Variants in WSB1 observed in about 807,000 individuals in gnomAD.
WSB1 encodes the protein WD repeat and SOCS box containing 1, also known as WD repeat and SOCS box-containing protein 1.
Under a neutral mutation model 50.2 loss-of-function variants are expected in WSB1, and 23 were observed. The observed-to-expected ratio is 0.46, with a 90% CI of 0.33 to 0.65. The LOEUF (loss-of-function observed/expected upper bound fraction) is 0.65, where lower values mean the gene tolerates loss of function less well. WSB1 is among the 30% of genes least tolerant of loss of function. The pLI, the probability that WSB1 is intolerant of heterozygous loss-of-function variation, is 0.02. For missense variants in WSB1, 492 were observed against 522.3 expected, an observed-to-expected ratio of 0.94 and a Z score of 0.56; for synonymous variants, 179 against 172.0, an observed-to-expected ratio of 1.04 and a Z score of -0.32.
chr17:27,301,139 G>A (rs1192155869), intron 1 of WSB1, among the ~76,000 whole-genome samples: 2 of 152,180 alleles, frequency 1.3e-5, no homozygotes, highest in Non-Finnish European at 2.9e-5. Flanking sequence ...CTCCCAGAAT[G>A]TTGGGATTAC....
At position 27,312,400 on chromosome 17, in the gene WSB1, G is replaced by C; in HGVS notation, c.*31G>C. On this transcript the variant is annotated 3_prime_UTR_variant, in exon 9 of 9. Transcript: ENST00000262394. ...TCTGCCTTCCCTAGTAGTAGGGACT[G>C]ACAGAATACACTTAACACAAACCTC... is the stretch of plus-strand genomic sequence containing the variant. 1 of 1,608,372 alleles carries C rather than the reference G, an allele frequency of 6.2e-7. No individual in the cohort carries two copies. Among genetic ancestry groups the C allele is most frequent in the Non-Finnish European group, 8.5e-7 (1 of 1,178,786 alleles).
chr17:27,299,778 T>C (rs1170459781), intron 1 of WSB1, among the ~76,000 whole-genome samples: 2 of 152,184 alleles, frequency 1.3e-5, no homozygotes, highest in South Asian at 2.1e-4. Context: ...AAAAGATTCA[T>C]TGATGGCTAT....
At chr17:27,301,675 A>G (rs781351424) in intron 1 of WSB1, 113 bp from the exon 2 acceptor site, 11 of 1,103,660 alleles carry the variant, frequency 1.0e-5, no homozygotes, top group Non-Finnish European at 1.5e-5. Flanking sequence ...AGAACTCACT[A>G]TACCCTGTCT....
rs546183065 is a variant in WSB1 at position 27,309,499 on chromosome 17, T to C, written c.884+227T>C. Among the ~76,000 whole-genome samples the C allele has an allele frequency of 4.6e-5, 7 of 152,290 alleles. No individual in the cohort carries two copies. In the South Asian group the frequency reaches 1.5e-3, roughly 32 times the overall value. ...CTACTTAACAGTACCCAGCTCTCTA[T>C]AGAAGTACTAATTATGTTTAGAGTT... On this transcript the variant is annotated intron_variant, in intron 6 of 8. Transcript: ENST00000262394.
intron 1 of WSB1, among the ~76,000 whole-genome samples, chr17:27,294,767 C>G (rs996049056): frequency 6.6e-6 from 1 of 152,128 alleles, no homozygotes; most frequent in Non-Finnish European, 1.5e-5. Flanking sequence ...AGGGAAGGGC[C>G]ACTCAGGGAC....
Position 27,310,112 on chromosome 17 carries a change from G to T in WSB1, c.936G>T (p.Arg312=), listed in dbSNP as rs752987494. The T allele has an allele frequency of 1.9e-5, 31 of 1,614,000 alleles. No individual in the cohort carries two copies. Among genetic ancestry groups the T allele is most frequent in the Non-Finnish European group, 2.6e-5 (31 of 1,180,004 alleles). The part of the protein sequence containing the change: ...TPIFAGGAND[R]WVRSVSFSHD... ...TATTTGCTGGAGGAGCAAATGACCG[G>T]TGGGTACGATCTGTATCTTTTAGCC... Residue 312 remains arginine, a synonymous_variant, in exon 7 of 9, where the codon CGG becomes CGT. Transcript: ENST00000262394.
Position 27,310,182 on chromosome 17 carries a change from T to C in WSB1, c.998+8T>C, listed in dbSNP as rs776463763. ...AAGCCTTGCTGATGATAAGTAAGTATGTGCATTATAGCTTGACTGACTTAC... is the reference window on the plus strand; with the variant it reads ...AAGCCTTGCTGATGATAAGTAAGTACGTGCATTATAGCTTGACTGACTTAC... On this transcript the variant is annotated splice_region_variant and intron_variant, in intron 7 of 8. Coordinates refer to ENST00000262394, the MANE Select transcript of WSB1 (RefSeq NM_015626.10). The C allele has an allele frequency of 3.7e-6, 6 of 1,611,044 alleles. No individual in the cohort carries two copies. In the East Asian group the frequency reaches 8.9e-5, roughly 24 times the overall value.
chr17:27,308,098 C>T, intron 5 of WSB1: 1 of 1,100,730 alleles, frequency 9.1e-7, no homozygotes, highest in Non-Finnish European at 1.1e-6. Flanking sequence ...AATGGTTTCT[C>T]TGTGCTATTT....
In WSB1 at chr17:27,303,382, C is replaced by G. The variant is rs1399350044; in HGVS notation, c.225C>G (p.Thr75=). The G allele has an allele frequency of 3.7e-6, 6 of 1,613,662 alleles. No homozygotes were observed. In the African/African-American group the frequency reaches 6.7e-5, roughly 18 times the overall value. The part of the protein sequence containing the change: ...QCLQNFLLHG[T]KNVTNSSSLR... ...CCCACTCCAGTCTCTTGCATGGCAC[C>G]AAGAATGTTACCAATTCAAGCAGTT... The change falls in exon 3 of 9, where the codon ACC becomes ACG. Residue 75 remains threonine, a synonymous_variant. Transcript: ENST00000262394.
intron 1 of WSB1, among the ~76,000 whole-genome samples, chr17:27,300,237 CATAGAAT>C: frequency 6.6e-6 from 1 of 151,850 alleles, no homozygotes. Flanking sequence ...ACAGCAATAA[CATAGAAT>C]ATATTAAAGC....
chr17:27,309,448 A>G (rs2017581727), intron 6 of WSB1, among the ~76,000 whole-genome samples, 176 bp downstream of exon 6: 1 of 152,184 alleles, frequency 6.6e-6, no homozygotes, highest in Admixed American at 6.5e-5. Context: ...CTAAAAGTAA[A>G]TTTGGCTCTC....
At chr17:27,308,766 C>G in intron 5 of WSB1, 2 of 994,632 alleles carry the variant, frequency 2.0e-6, no homozygotes, top group Non-Finnish European at 2.4e-6. Context: ...GTACTTAACC[C>G]TATTTATTTC....
chr17:27,304,806 C>G lies in WSB1; in HGVS notation c.505C>G (p.His169Asp). Residue 169 changes from histidine (H) to aspartate (D), a missense_variant, in exon 4 of 9, where the codon CAT becomes GAT. By Grantham distance (81) the His-to-Asp change is moderately conservative. Transcript: ENST00000262394. ...TGKLLLNLVD[H>D]TEVVRDLTFA... ...AAAACTCCTCCTTAACTTGGTAGATCATACTGAAGTGGTCAGAGATTTAAC... is the reference window on the plus strand; with the variant it reads ...AAAACTCCTCCTTAACTTGGTAGATGATACTGAAGTGGTCAGAGATTTAAC... 1 of 1,613,580 alleles carries G rather than the reference C, an allele frequency of 6.2e-7. No homozygotes were observed. Among genetic ancestry groups the G allele is most frequent in the Non-Finnish European group, 8.5e-7 (1 of 1,179,734 alleles).
chr17:27,304,703 C>A (rs1597760330), intron 3 of WSB1, 77 bp from the exon 4 acceptor site: 3 of 1,454,050 alleles, frequency 2.1e-6, no homozygotes, highest in East Asian at 4.9e-5. Context: ...CAGAGTGAGA[C>A]CCTGTCTCAA....
At chr17:27,306,366 C>T (rs1028080528) in intron 4 of WSB1, among the ~76,000 whole-genome samples, 6 of 152,062 alleles carry the variant, frequency 3.9e-5, no homozygotes, top group African/African-American at 1.4e-4. Context: ...GCATGCGCCA[C>T]CATGCCCGGC....
At chr17:27,294,996 A>G (rs1327455665) in intron 1 of WSB1, among the ~76,000 whole-genome samples, 1 of 152,128 alleles carries the variant, frequency 6.6e-6, no homozygotes, top group East Asian at 1.9e-4. Flanking sequence ...CACTTAAGGG[A>G]GGAGCTGGGT....
intron 1 of WSB1, among the ~76,000 whole-genome samples, chr17:27,294,712 C>T (rs2016876905): frequency 6.6e-6 from 1 of 152,180 alleles, no homozygotes; most frequent in Admixed American, 6.5e-5. Flanking sequence ...GCGCAGGGCT[C>T]TTGTCCTGGG....
intron 1 of WSB1, among the ~76,000 whole-genome samples, chr17:27,295,840 TC>T (rs879550041): frequency 1.1e-4 from 14 of 125,486 alleles, no homozygotes; most frequent in Middle Eastern, 4.3e-3. Flanking sequence ...TTTCTCTCTC[TC>T]TTTTTTTTTT....
chr17:27,307,317 A>G (rs901890798), intron 5 of WSB1: 13 of 210,618 alleles, frequency 6.2e-5, no homozygotes, highest in African/African-American at 2.8e-4. Context: ...TAAAAATAGC[A>G]CTCATGTATG....
Sources: allele counts gnomAD v4.1 joint callset (sites outside exome capture counted in the v4.1 genomes callset), GRCh38; gene constraint gnomAD v4.1.1; transcripts MANE v1.5; gene names NCBI Gene and HGNC (gene_info 2026-07-23, HGNC 2026-07-21).